LHFPL3: variants seen among roughly 807,000 people sequenced by gnomAD.
LHFPL3 encodes the protein LHFPL tetraspan subfamily member 3.
A neutral mutation model predicts 19.3 loss-of-function variants in LHFPL3; 5 were observed. The observed-to-expected ratio is 0.26, with a 90% CI of 0.14 to 0.54. The LOEUF (loss-of-function observed/expected upper bound fraction) is 0.54. LHFPL3 is among the 20% of genes least tolerant of loss of function. The pLI, the probability that LHFPL3 is intolerant of heterozygous loss-of-function variation, is 0.94. For synonymous variants in LHFPL3, 133 were observed against 126.2 expected, an observed-to-expected ratio of 1.05 and a Z score of -0.36; for missense variants, 249 against 307.4, an observed-to-expected ratio of 0.81 and a Z score of 1.42.
intron 1 of LHFPL3, among the ~76,000 whole-genome samples, chr7:104,592,689 C>T (rs1790751191): frequency 6.6e-6 from 1 of 152,114 alleles, no homozygotes; most frequent in African/African-American, 2.4e-5. Context: ...TCAGCTATGC[C>T]CTGCCCCCAG....
Position 104,491,091 on chromosome 7 carries a change from A to C in LHFPL3, c.445+161867A>C, listed in dbSNP as rs1409869574. Among the ~76,000 whole-genome samples the C allele has an allele frequency of 1.3e-5, 2 of 152,164 alleles. 1 individual carries two copies. On this transcript the variant is annotated intron_variant, in intron 1 of 2. Coordinates refer to ENST00000424859, the MANE Select transcript of LHFPL3 (RefSeq NM_199000.3). ...TGGAAGAGCAGGTCTCAGAGAACAG[A>C]AGCCATGGGCCTCAGTCCAACTATG... is the stretch of plus-strand genomic sequence containing the variant.
intron 1 of LHFPL3, among the ~76,000 whole-genome samples, chr7:104,564,678 G>C (rs1054812503): frequency 1.3e-5 from 2 of 152,200 alleles, no homozygotes; most frequent in Non-Finnish European, 2.9e-5. Context: ...GCAGTTGGAT[G>C]TGAGTATGAA....
chr7:104,521,375 G>A (rs1019700782), intron 1 of LHFPL3, among the ~76,000 whole-genome samples: 11 of 152,024 alleles, frequency 7.2e-5, no homozygotes, highest in Admixed American at 7.2e-4. Context: ...CAAGTATATG[G>A]TCAATTTTTG....
chr7:104,646,444 C>A (rs1791937095), intron 1 of LHFPL3, among the ~76,000 whole-genome samples: 1 of 152,252 alleles, frequency 6.6e-6, no homozygotes, highest in Non-Finnish European at 1.5e-5. Flanking sequence ...AATTATGATT[C>A]TGAGCTTTAT....
chr7:104,351,002 T>G (rs1790162744), intron 1 of LHFPL3, among the ~76,000 whole-genome samples: 1 of 146,018 alleles, frequency 6.8e-6, no homozygotes, highest in South Asian at 2.2e-4. Context: ...ATTATGCCAC[T>G]GCACTCCAGC....
chr7:104,860,777 CTCTT>C (rs1219609835), intron 2 of LHFPL3, among the ~76,000 whole-genome samples: 2 of 152,196 alleles, frequency 1.3e-5, no homozygotes, highest in African/African-American at 4.8e-5. Context: ...TCTGACATCT[CTCTT>C]TCTCTTGCCA....
intron 2 of LHFPL3, among the ~76,000 whole-genome samples, chr7:104,786,049 A>G (rs1342664300): frequency 1.3e-5 from 2 of 152,180 alleles, no homozygotes; most frequent in Non-Finnish European, 2.9e-5. Context: ...CTGTGTGGAA[A>G]GACCGTCCAC....
chr7:104,701,314 C>T (rs537558492), intron 1 of LHFPL3, among the ~76,000 whole-genome samples: 12 of 152,186 alleles, frequency 7.9e-5, no homozygotes, highest in African/African-American at 2.9e-4. Context: ...AGGGCACCAA[C>T]CGCTCTCCCC....
intron 2 of LHFPL3, among the ~76,000 whole-genome samples, chr7:104,884,885 G>A (rs967456662): frequency 6.6e-6 from 1 of 152,124 alleles, no homozygotes; most frequent in Non-Finnish European, 1.5e-5. Context: ...TCAGTCCCAA[G>A]GACACCAATT....
At chr7:104,762,424 G>A (rs1032944299) in intron 2 of LHFPL3, among the ~76,000 whole-genome samples, 4 of 152,166 alleles carry the variant, frequency 2.6e-5, no homozygotes, top group African/African-American at 9.7e-5. Flanking sequence ...AGGCAGATGA[G>A]AAATCTCTAC....
chr7:104,863,539 A>T (rs1791656347), intron 2 of LHFPL3, among the ~76,000 whole-genome samples: 1 of 152,256 alleles, frequency 6.6e-6, no homozygotes, highest in Non-Finnish European at 1.5e-5. Context: ...GCTTGTGATC[A>T]GGATGTAGGG....
At chr7:104,636,131 C>G (rs1169841728) in intron 1 of LHFPL3, among the ~76,000 whole-genome samples, 2 of 152,230 alleles carry the variant, frequency 1.3e-5, no homozygotes, top group East Asian at 3.9e-4. Context: ...TATGTATGGA[C>G]TTAACCAAAA....
At chr7:104,891,085 C>A (rs1441197745) in intron 2 of LHFPL3, among the ~76,000 whole-genome samples, 2 of 151,344 alleles carry the variant, frequency 1.3e-5, no homozygotes, top group African/African-American at 2.4e-5. Flanking sequence ...TGCCTTACCC[C>A]CAACTTTCAT....
intron 1 of LHFPL3, among the ~76,000 whole-genome samples, chr7:104,683,882 A>G (rs1016759449): frequency 1.3e-5 from 2 of 152,094 alleles, no homozygotes; most frequent in Admixed American, 6.5e-5. Context: ...CCCTTCCTCA[A>G]TTTTGGGGAG....
intron 2 of LHFPL3, among the ~76,000 whole-genome samples, chr7:104,839,129 A>C (rs1375982091): frequency 6.6e-6 from 1 of 152,202 alleles, no homozygotes; most frequent in Non-Finnish European, 1.5e-5. Context: ...GAGACCGTCA[A>C]GGAGAGAGAA....
intron 1 of LHFPL3, among the ~76,000 whole-genome samples, chr7:104,423,815 G>A (rs1791782201): frequency 6.6e-6 from 1 of 151,462 alleles, no homozygotes; most frequent in Non-Finnish European, 1.5e-5. Flanking sequence ...CACTCAGCCT[G>A]GGTGAAAGAG....
chr7:104,850,778 G>A (rs188996253), intron 2 of LHFPL3, among the ~76,000 whole-genome samples: 6 of 152,222 alleles, frequency 3.9e-5, no homozygotes, highest in Non-Finnish European at 8.8e-5. Flanking sequence ...GGGTGATTCT[G>A]AGATACCCCC....
At chr7:104,654,419 T>G (rs576711202) in intron 1 of LHFPL3, among the ~76,000 whole-genome samples, 1 of 152,294 alleles carries the variant, frequency 6.6e-6, no homozygotes, top group African/African-American at 2.4e-5. Flanking sequence ...GAAGTGTGCA[T>G]CTAAGAAAAG....
chr7:104,554,676 TAGATAGATAGATAGAC>T lies in LHFPL3; in HGVS notation c.446-181995_446-181980del, dbSNP rs1169350627. On this transcript the variant is annotated intron_variant, in intron 1 of 2. Transcript: ENST00000424859. The stretch of plus-strand genomic sequence containing the variant: ...ATAGATAGATAGATAGATAGATAGA[TAGATAGATAGATAGAC>T]AGACAGATGATGAGAGGGGATTTAT... 3.0e-3 allele frequency among the ~76,000 whole-genome samples: 415 copies of T among 139,332 alleles called. 1 individual carries two copies. The highest frequency in any genetic ancestry group is 0.011 in the African/African-American group (395 of 35,362). 91.4% of individuals were successfully genotyped at this position (139,332 alleles called of 152,430 possible).
Sources: allele counts gnomAD v4.1 joint callset (sites outside exome capture counted in the v4.1 genomes callset), GRCh38; gene constraint gnomAD v4.1.1; transcripts MANE v1.5; gene names NCBI Gene and HGNC (gene_info 2026-07-23, HGNC 2026-07-21).